Variants in ARHGAP24 observed in about 807,000 individuals in gnomAD.
The protein encoded by ARHGAP24 is rho GTPase-activating protein 24.
ARHGAP24 carries 50 observed loss-of-function variants against 76.4 expected under a neutral mutation model. The ratio of observed to expected loss-of-function variants is 0.65; its 90% CI spans 0.52 to 0.83. The LOEUF (loss-of-function observed/expected upper bound fraction) is 0.83. ARHGAP24 is among the 40% of genes least tolerant of loss of function. The probability of loss-of-function intolerance (pLI) is 0.00; values close to 1 mark genes in which losing one functional copy is unlikely to be tolerated. For synonymous variants in ARHGAP24, 345 were observed against 323.3 expected (o/e 1.07, Z -0.72); for missense variants, 930 against 914.2 (o/e 1.02, Z -0.22).
At chr4:85,709,499 TA>T (rs901801651) in intron 2 of ARHGAP24, among the ~76,000 whole-genome samples, 27 of 151,994 alleles carry the variant, frequency 1.8e-4, no homozygotes, top group Non-Finnish European at 1.6e-4. Context: ...AGTATCTTGT[TA>T]AAAAAAACCT....
intron 3 of ARHGAP24, among the ~76,000 whole-genome samples, chr4:85,863,766 G>T (rs184564660): frequency 6.6e-6 from 1 of 152,196 alleles, no homozygotes; most frequent in Non-Finnish European, 1.5e-5. Context: ...TAAACCCGGC[G>T]TTTGTTGTCA....
intron 2 of ARHGAP24, among the ~76,000 whole-genome samples, chr4:85,704,689 T>C (rs1457369271): frequency 1.3e-5 from 2 of 152,196 alleles, no homozygotes; most frequent in African/African-American, 2.4e-5. Context: ...TCATATGGCA[T>C]ATATTTCTCT....
At chr4:85,730,604 TCAC>T (rs1419778921) in intron 3 of ARHGAP24, among the ~76,000 whole-genome samples, 3 of 152,134 alleles carry the variant, frequency 2.0e-5, no homozygotes, top group Non-Finnish European at 4.4e-5. Flanking sequence ...AGATGAGGTC[TCAC>T]TATGTTGCCC....
intron 2 of ARHGAP24, among the ~76,000 whole-genome samples, chr4:85,621,823 T>A (rs1720727326): frequency 6.6e-6 from 1 of 152,146 alleles, no homozygotes; most frequent in African/African-American, 2.4e-5. Context: ...CAGGACTTAG[T>A]CATAAATTCT....
chr4:85,565,624 A>C (rs564779941), intron 1 of ARHGAP24, among the ~76,000 whole-genome samples: 1 of 152,124 alleles, frequency 6.6e-6, no homozygotes, highest in Non-Finnish European at 1.5e-5. Flanking sequence ...GAGTGGATGC[A>C]TTGTGGTGGA....
At chr4:85,550,385 A>C (rs1237632419) in intron 1 of ARHGAP24, among the ~76,000 whole-genome samples, 1 of 152,026 alleles carries the variant, frequency 6.6e-6, no homozygotes, top group Non-Finnish European at 1.5e-5. Context: ...TGGGCTCTCT[A>C]TTCTGTTCCG....
chr4:85,580,093 A>G (rs752212341), intron 2 of ARHGAP24, among the ~76,000 whole-genome samples: 4 of 151,900 alleles, frequency 2.6e-5, no homozygotes, highest in African/African-American at 4.8e-5. Context: ...TTTAAATCTC[A>G]TCTGCGTCCC....
rs534783550 is a variant in ARHGAP24, at chr4:85,740,248, G to A, written c.268+18276G>A. Among the ~76,000 whole-genome samples the A allele has an allele frequency of 8.9e-4, 125 of 140,982 alleles. 1 individual carries two copies. The highest frequency in any genetic ancestry group is 3.0e-3 in the African/African-American group (116 of 39,064). The allele number at this position is 140,982 out of a possible 152,430, so 92.5% of individuals were successfully genotyped here. On this transcript the variant is annotated intron_variant, in intron 3 of 9. Coordinates refer to ENST00000395184, the MANE Select transcript of ARHGAP24 (RefSeq NM_001025616.3). ...GGTTTTTTTTTTTTTTAGACGGAGT[G>A]TTCCTCTGTCGTCCAGGCTGCAGTG...
At chr4:85,986,653 C>T (rs1740018912) in intron 8 of ARHGAP24, among the ~76,000 whole-genome samples, 1 of 152,148 alleles carries the variant, frequency 6.6e-6, no homozygotes, top group Admixed American at 6.6e-5. Flanking sequence ...GAGAACTAGA[C>T]ATAGAGCGTC....
chr4:85,701,789 A>G (rs1202512335), intron 2 of ARHGAP24, among the ~76,000 whole-genome samples: 1 of 152,178 alleles, frequency 6.6e-6, no homozygotes, highest in African/African-American at 2.4e-5. Context: ...AGATTCATAT[A>G]TAGATATGTG....
chr4:85,792,468 G>T (rs750020298), intron 3 of ARHGAP24, among the ~76,000 whole-genome samples: 18 of 151,946 alleles, frequency 1.2e-4, no homozygotes, highest in Non-Finnish European at 2.4e-4. Flanking sequence ...AAGTTTCTTG[G>T]ACTATATTAG....
chr4:85,792,150 TA>T (rs34889938), intron 3 of ARHGAP24, among the ~76,000 whole-genome samples: 39,530 of 151,944 alleles, frequency 0.26, 5,423 homozygotes, highest in African/African-American at 0.31. Context: ...GGCTTTTTTT[TA>T]AATGAGCTTG....
At chr4:85,626,980 A>T (rs1720978922) in intron 2 of ARHGAP24, among the ~76,000 whole-genome samples, 1 of 151,826 alleles carries the variant, frequency 6.6e-6, no homozygotes, top group Admixed American at 6.6e-5. Flanking sequence ...CATTCGTCTA[A>T]TTTTTTTCAA....
intron 2 of ARHGAP24, among the ~76,000 whole-genome samples, chr4:85,584,138 C>A (rs1727741077): frequency 6.6e-6 from 1 of 151,730 alleles, no homozygotes; most frequent in Non-Finnish European, 1.5e-5. Flanking sequence ...AAGACACATG[C>A]ACACGTATGT....
chr4:85,965,091 G>A (rs1029552690), intron 5 of ARHGAP24, among the ~76,000 whole-genome samples: 2 of 152,114 alleles, frequency 1.3e-5, no homozygotes, highest in African/African-American at 4.8e-5. Context: ...TCATGCTACT[G>A]ATAAAGACAT....
chr4:85,904,048 C>G (rs1050957946), intron 3 of ARHGAP24, among the ~76,000 whole-genome samples: 3 of 152,134 alleles, frequency 2.0e-5, no homozygotes, highest in African/African-American at 7.2e-5. Context: ...AACTTTTGAT[C>G]ATGTGCAATC....
At chr4:85,682,616 G>A (rs1018271601) in intron 2 of ARHGAP24, among the ~76,000 whole-genome samples, 2 of 152,168 alleles carry the variant, frequency 1.3e-5, no homozygotes, top group Non-Finnish European at 2.9e-5. Context: ...TCAAGTAATT[G>A]CCTCCAAGCA....
chr4:85,913,524 C>T (rs1735201741), intron 3 of ARHGAP24, among the ~76,000 whole-genome samples: 1 of 152,146 alleles, frequency 6.6e-6, no homozygotes, highest in East Asian at 1.9e-4. Context: ...ACCTGGGGAT[C>T]TCATTTAGGT....
At chr4:85,853,381 C>T (rs1458717416) in intron 3 of ARHGAP24, among the ~76,000 whole-genome samples, 1 of 152,168 alleles carries the variant, frequency 6.6e-6, no homozygotes, top group Non-Finnish European at 1.5e-5. Context: ...TACAGTCTGT[C>T]ACAGCTTCCC....
Sources: gnomAD v4.1 joint callset for allele counts (sites outside exome capture counted in the v4.1 genomes callset) on GRCh38, gnomAD v4.1.1 for gene constraint, MANE v1.5 for transcripts, NCBI Gene and HGNC (gene_info 2026-07-23, HGNC 2026-07-21) for gene names.